Variants in FAM174B observed in about 807,000 individuals in gnomAD.
The protein encoded by FAM174B is family with sequence similarity 174 member B.
A neutral mutation model predicts 10.9 loss-of-function variants in FAM174B; 12 were observed. That is an observed-to-expected ratio of 1.10 (90% CI 0.71 to 1.79). The LOEUF is 1.79. FAM174B is among the 40% of genes most tolerant of loss of function. FAM174B has a pLI of 0.00. For missense variants in FAM174B, 266 were observed against 233.3 expected, an observed-to-expected ratio of 1.14 and a Z score of -0.91; for synonymous variants, 132 against 115.8, an observed-to-expected ratio of 1.14 and a Z score of -0.90.
At position 92,631,769 on chromosome 15, in the gene FAM174B, C is replaced by G. The variant is rs552293221; in HGVS notation, c.345-1424G>C. 6.6e-5 allele frequency among the ~76,000 whole-genome samples: 10 copies of G among 151,620 alleles called. No individual in the cohort carries two copies. The East Asian group carries it at 1.9e-3, about 30-fold the overall frequency. On this transcript the variant is annotated intron_variant, in intron 1 of 2. Coordinates refer to ENST00000327355, the MANE Select transcript of FAM174B (RefSeq NM_207446.3). Reference sequence around the variant, plus strand: ...CCTCGCCCTCCCAAAGTGCTGGGATCACAGGCGTTAGCCATTGCACCCGGC... The same window carrying G: ...CCTCGCCCTCCCAAAGTGCTGGGATGACAGGCGTTAGCCATTGCACCCGGC...
intron 1 of FAM174B, among the ~76,000 whole-genome samples, chr15:92,631,320 TTATATATA>T: frequency 8.7e-4 from 1 of 1,148 alleles, no homozygotes; most frequent in African/African-American, 1.4e-3. Flanking sequence ...ATATATAATA[TTATATATA>T]ATATATTATA....
In FAM174B at chr15:92,655,713, A is replaced by T; in HGVS notation, c.-54T>A. 1 of 1,218,128 alleles carries T rather than the reference A, an allele frequency of 8.2e-7. No individual in the cohort carries two copies. The highest frequency in any genetic ancestry group is 1.0e-6 in the Non-Finnish European group (1 of 977,280). 75.5% of individuals were successfully genotyped at this position (1,218,128 alleles called of 1,614,324 possible). On this transcript the variant is annotated 5_prime_UTR_variant, in exon 1 of 3. Transcript: ENST00000327355. ...AGGGCGCGCGCGGCTGAGCTCCAGG[A>T]TCCGCACCAGCACGGAGGCCTGCAC... is the stretch of plus-strand genomic sequence containing the variant.
rs1272220195 is a variant in FAM174B at position 92,655,013 on chromosome 15, C to T, written c.344+303G>A. 2.3e-4 allele frequency: 58 copies of T among 254,006 alleles called. 2 individuals are homozygous for T. In the Admixed American group the frequency reaches 2.7e-3, roughly 12 times the overall value. 15.7% of individuals were successfully genotyped at this position (254,006 alleles called of 1,614,324 possible). On this transcript the variant is annotated intron_variant, in intron 1 of 2. Coordinates refer to ENST00000327355, the MANE Select transcript of FAM174B (RefSeq NM_207446.3). ...AAAAATAAATTATGGGAAACGCTGT[C>T]AGAATTCAGAGCGCTATTGTTAGTG...
At chr15:92,644,842 C>T (rs1217530259) in intron 1 of FAM174B, among the ~76,000 whole-genome samples, 2 of 152,224 alleles carry the variant, frequency 1.3e-5, no homozygotes, top group African/African-American at 4.8e-5. Context: ...AGCTCCTGCC[C>T]GGCTGCCCCG....
intron 2 of FAM174B, among the ~76,000 whole-genome samples, chr15:92,620,181 G>A (rs1459028270): frequency 6.6e-6 from 1 of 152,100 alleles, no homozygotes; most frequent in African/African-American, 2.4e-5. Context: ...TAAACCCCGG[G>A]CCCACACCAC....
intron 1 of FAM174B, among the ~76,000 whole-genome samples, chr15:92,646,077 TCATC>T (rs2050925281): frequency 6.6e-6 from 1 of 150,422 alleles, no homozygotes; most frequent in Admixed American, 6.6e-5. Flanking sequence ...TTTCTCCTCT[TCATC>T]CATTCAGGCC....
At position 92,630,362 on chromosome 15, in the gene FAM174B, A is replaced by G. The variant is rs772687946; in HGVS notation, c.345-17T>C. On this transcript the variant is annotated splice_polypyrimidine_tract_variant and intron_variant, in intron 1 of 2. Coordinates refer to ENST00000327355, the MANE Select transcript of FAM174B (RefSeq NM_207446.3). Reference sequence around the variant, plus strand: ...TTTCCCGACCTGCAGGAGAAGAAGCACATTCATGAGAACACAGCTGGGAGA... The same window carrying G: ...TTTCCCGACCTGCAGGAGAAGAAGCGCATTCATGAGAACACAGCTGGGAGA... The G allele has an allele frequency of 2.5e-6, 4 of 1,601,446 alleles. No individual in the cohort carries two copies. The East Asian group carries it at 9.0e-5, about 36-fold the overall frequency.
intron 1 of FAM174B, among the ~76,000 whole-genome samples, chr15:92,635,169 C>CCACACACA (rs58350171): frequency 1.4e-3 from 15 of 10,776 alleles, no homozygotes; most frequent in African/African-American, 2.3e-3. Context: ...CCACACACAC[C>CCACACACA]CACACACACA....
At chr15:92,642,899 C>G (rs285766) in intron 1 of FAM174B, among the ~76,000 whole-genome samples, 1 of 152,166 alleles carries the variant, frequency 6.6e-6, no homozygotes, top group South Asian at 2.1e-4. Context: ...CCTGAAAACA[C>G]TGTACTAAAT....
At chr15:92,655,086 A>C in intron 1 of FAM174B, 1 of 408,426 alleles carries the variant, frequency 2.4e-6, no homozygotes, top group Non-Finnish European at 4.1e-6. Flanking sequence ...TATTTATTTT[A>C]TATATATAGT....
chr15:92,643,129 T>C (rs2050902180), intron 1 of FAM174B, among the ~76,000 whole-genome samples: 1 of 39,284 alleles, frequency 2.5e-5, no homozygotes, highest in Admixed American at 5.1e-4. Flanking sequence ...AGTTGGACAC[T>C]TTATTTGTTT....
At chr15:92,655,010 T>C (rs977350787) in intron 1 of FAM174B, 1 of 248,068 alleles carries the variant, frequency 4.0e-6, no homozygotes, top group African/African-American at 2.2e-5. Flanking sequence ...TGGGAAACGC[T>C]GTCAGAATTC....
chr15:92,631,643 C>T (rs1428056462), intron 1 of FAM174B, among the ~76,000 whole-genome samples: 13 of 146,752 alleles, frequency 8.9e-5, no homozygotes, highest in Non-Finnish European at 1.2e-4. Context: ...TACAGGCGCC[C>T]GCCACCACAC....
chr15:92,624,754 A>T (rs1032498090), intron 2 of FAM174B, among the ~76,000 whole-genome samples: 1 of 152,196 alleles, frequency 6.6e-6, no homozygotes, highest in Non-Finnish European at 1.5e-5. Context: ...CACACATAAG[A>T]AGCCGGGACA....
chr15:92,630,916 A>G lies in FAM174B; in HGVS notation c.345-571T>C, dbSNP rs762859146. On this transcript the variant is annotated intron_variant, in intron 1 of 2. Transcript: ENST00000327355. ...TTACATATTACATATTATATATTAT[A>G]TATTACGTATTACATATTACATATT... 6.3e-3 allele frequency among the ~76,000 whole-genome samples: 199 copies of G among 31,596 alleles called. 1 individual carries two copies. Among genetic ancestry groups the G allele is most frequent in the Non-Finnish European group, 0.011 (129 of 11,674 alleles). The allele number at this position is 31,596 out of a possible 152,430, so 20.7% of individuals were successfully genotyped here.
At chr15:92,620,442 G>C (rs919466290) in intron 2 of FAM174B, among the ~76,000 whole-genome samples, 2 of 152,180 alleles carry the variant, frequency 1.3e-5, no homozygotes, top group Non-Finnish European at 2.9e-5. Context: ...AGCTCGCAGT[G>C]AGCAGAGATC....
chr15:92,629,285 T>C (rs1278664531), intron 2 of FAM174B, among the ~76,000 whole-genome samples: 3 of 152,218 alleles, frequency 2.0e-5, no homozygotes, highest in African/African-American at 7.2e-5. Flanking sequence ...TCCTCAGCTC[T>C]TCCATTAAGA....
At chr15:92,633,487 G>A (rs2050832542) in intron 1 of FAM174B, among the ~76,000 whole-genome samples, 1 of 152,136 alleles carries the variant, frequency 6.6e-6, no homozygotes, top group African/African-American at 2.4e-5. Flanking sequence ...GGAACAATCA[G>A]CTGTAAAGTC....
chr15:92,621,973 G>A (rs374234008), intron 2 of FAM174B, among the ~76,000 whole-genome samples: 13 of 152,348 alleles, frequency 8.5e-5, no homozygotes, highest in African/African-American at 3.1e-4. Context: ...GAGCAGTGAA[G>A]ATTTTAAAGA....
Sources: gnomAD v4.1 joint callset for allele counts (sites outside exome capture counted in the v4.1 genomes callset) on GRCh38, gnomAD v4.1.1 for gene constraint, MANE v1.5 for transcripts, NCBI Gene and HGNC (gene_info 2026-07-23, HGNC 2026-07-21) for gene names.